Variants in GALNTL6 observed in about 807,000 individuals in gnomAD.
GALNTL6 encodes the protein polypeptide N-acetylgalactosaminyltransferase-like 6.
GALNTL6 carries 46 observed loss-of-function variants against 73.7 expected under a neutral mutation model. That is an observed-to-expected ratio of 0.62 (90% CI 0.49 to 0.80). GALNTL6 has a LOEUF of 0.80. GALNTL6 is among the 30% of genes least tolerant of loss of function. The probability of loss-of-function intolerance (pLI) is 0.00; values close to 1 mark genes in which losing one functional copy is unlikely to be tolerated. For synonymous variants in GALNTL6, 259 were observed against 263.7 expected, an observed-to-expected ratio of 0.98 and a Z score of 0.17; for missense variants, 604 against 755.0, an observed-to-expected ratio of 0.80 and a Z score of 2.34.
intron 5 of GALNTL6, among the ~76,000 whole-genome samples, chr4:172,611,289 C>T (rs898217130): frequency 2.0e-5 from 3 of 151,936 alleles, no homozygotes; most frequent in African/African-American, 7.2e-5. Context: ...GGTCTATGTA[C>T]TTAAGTGTGT....
At chr4:172,721,615 G>A (rs1352290961) in intron 5 of GALNTL6, among the ~76,000 whole-genome samples, 1 of 152,212 alleles carries the variant, frequency 6.6e-6, no homozygotes, top group African/African-American at 2.4e-5. Context: ...TTGTGTGTAT[G>A]TGACTGGGCA....
chr4:172,577,836 G>T (rs954098200), intron 5 of GALNTL6, among the ~76,000 whole-genome samples: 2 of 152,100 alleles, frequency 1.3e-5, no homozygotes, highest in African/African-American at 4.8e-5. Context: ...TCACAGTCAA[G>T]ATCAATATAT....
At chr4:172,842,924 C>T (rs1327093540) in intron 7 of GALNTL6, among the ~76,000 whole-genome samples, 2 of 152,146 alleles carry the variant, frequency 1.3e-5, no homozygotes, top group Non-Finnish European at 2.9e-5. Context: ...CTTTTGGTAA[C>T]AGGAACAAAT....
chr4:172,855,008 C>T (rs1156899377), intron 7 of GALNTL6, among the ~76,000 whole-genome samples: 2 of 152,056 alleles, frequency 1.3e-5, no homozygotes, highest in Non-Finnish European at 2.9e-5. Context: ...ATCTAGAACA[C>T]ATTTTTACAA....
intron 11 of GALNTL6, among the ~76,000 whole-genome samples, chr4:173,012,115 A>G (rs754337204): frequency 6.6e-6 from 1 of 152,208 alleles, no homozygotes; most frequent in Admixed American, 6.5e-5. Context: ...ATTTCAATAG[A>G]AAGCTATAGA....
At chr4:172,834,296 T>G (rs546441107) in intron 7 of GALNTL6, among the ~76,000 whole-genome samples, 1 of 152,264 alleles carries the variant, frequency 6.6e-6, no homozygotes, top group East Asian at 1.9e-4. Flanking sequence ...GAGCCCCACA[T>G]GGCCCAGGAG....
chr4:172,921,744 A>G (rs1417523731), intron 8 of GALNTL6, among the ~76,000 whole-genome samples: 4 of 150,902 alleles, frequency 2.7e-5, no homozygotes, highest in Non-Finnish European at 5.9e-5. Context: ...GCAGTGAGCC[A>G]TGATCGCTCA....
chr4:172,375,053 C>A (rs1467132161), intron 5 of GALNTL6, among the ~76,000 whole-genome samples: 1 of 152,052 alleles, frequency 6.6e-6, no homozygotes, highest in Non-Finnish European at 1.5e-5. Context: ...TTGGAGATTT[C>A]TTTGCTTATT....
intron 2 of GALNTL6, among the ~76,000 whole-genome samples, chr4:171,850,068 C>T (rs1193078175): frequency 1.3e-5 from 2 of 152,118 alleles, no homozygotes; most frequent in East Asian, 1.9e-4. Context: ...CGGTTTCAAG[C>T]GATTCTCTTG....
chr4:171,848,689 C>A (rs1221192178), intron 2 of GALNTL6, among the ~76,000 whole-genome samples: 1 of 152,156 alleles, frequency 6.6e-6, no homozygotes, highest in African/African-American at 2.4e-5. Context: ...CATGAACCAA[C>A]CTCTCCTGGC....
At chr4:172,983,009 G>A (rs546898370) in intron 10 of GALNTL6, among the ~76,000 whole-genome samples, 49 of 152,270 alleles carry the variant, frequency 3.2e-4, no homozygotes, top group African/African-American at 1.2e-3. Flanking sequence ...GGAGGTGGAT[G>A]ATGAGAAATT....
At chr4:172,558,836 T>C (rs757127091) in intron 5 of GALNTL6, among the ~76,000 whole-genome samples, 4 of 152,078 alleles carry the variant, frequency 2.6e-5, no homozygotes, top group Non-Finnish European at 4.4e-5. Context: ...TATAAGTTGA[T>C]CAAAACTATT....
chr4:171,823,691 A>G (rs149442478), intron 2 of GALNTL6, among the ~76,000 whole-genome samples: 62 of 151,790 alleles, frequency 4.1e-4, no homozygotes, highest in Non-Finnish European at 6.3e-4. Flanking sequence ...ACTGACGACT[A>G]TAATACTGAA....
intron 12 of GALNTL6, among the ~76,000 whole-genome samples, chr4:173,039,495 AG>A (rs1753819919): frequency 6.6e-6 from 1 of 152,080 alleles, no homozygotes; most frequent in Admixed American, 6.5e-5. Context: ...GCGTGTGAGC[AG>A]GGGGTATTAT....
chr4:172,100,474 A>C (rs1171782613), intron 2 of GALNTL6, among the ~76,000 whole-genome samples: 1 of 152,186 alleles, frequency 6.6e-6, no homozygotes, highest in East Asian at 1.9e-4. Flanking sequence ...AATATAGAAT[A>C]GTTGAGATTA....
chr4:172,055,985 C>T (rs187106056), intron 2 of GALNTL6, among the ~76,000 whole-genome samples: 25 of 152,196 alleles, frequency 1.6e-4, no homozygotes, highest in Admixed American at 6.5e-4. Context: ...CAATTCAATA[C>T]TTTGTCTACT....
intron 2 of GALNTL6, among the ~76,000 whole-genome samples, chr4:171,842,035 AAT>A (rs1419759684): frequency 1.3e-5 from 2 of 152,114 alleles, no homozygotes; most frequent in African/African-American, 4.8e-5. Flanking sequence ...CTATCAGCAG[AAT>A]ACCTAGATAT....
intron 5 of GALNTL6, among the ~76,000 whole-genome samples, chr4:172,573,317 A>G (rs1736835021): frequency 6.6e-6 from 1 of 152,196 alleles, no homozygotes; most frequent in Non-Finnish European, 1.5e-5. Context: ...TGCCAAGGTC[A>G]AGATTCATTT....
chr4:172,714,543 T>C lies in GALNTL6; in HGVS notation c.554-94818T>C, dbSNP rs144180984. 1.8e-4 allele frequency among the ~76,000 whole-genome samples: 27 copies of C among 152,260 alleles called. No individual in the cohort carries two copies. In the East Asian group the frequency reaches 5.2e-3, roughly 29 times the overall value. On this transcript the variant is annotated intron_variant, in intron 5 of 12. Transcript: ENST00000506823. ...TGTATTGCACTCTAAGAAAAAAACT[T>C]GCTACAAGTAAAATATAAGGAAATC...
Sources: gnomAD v4.1 joint callset for allele counts (sites outside exome capture counted in the v4.1 genomes callset) on GRCh38, gnomAD v4.1.1 for gene constraint, MANE v1.5 for transcripts, NCBI Gene and HGNC (gene_info 2026-07-23, HGNC 2026-07-21) for gene names.